Variants in APP observed in about 807,000 individuals in gnomAD.
APP encodes amyloid beta precursor protein, also known as amyloid-beta precursor protein.
A neutral mutation model predicts 101.4 loss-of-function variants in APP; 31 were observed. That is an observed-to-expected ratio of 0.31 (90% CI 0.23 to 0.41). APP has a LOEUF of 0.41. Ranked by LOEUF, APP falls within the 10% of genes least tolerant of loss-of-function variation. The probability of loss-of-function intolerance (pLI) is 1.00; values close to 1 mark genes in which losing one functional copy is unlikely to be tolerated. For missense variants in APP, 839 were observed against 1,003.7 expected, an observed-to-expected ratio of 0.84 and a Z score of 2.22; for synonymous variants, 366 against 364.4, an observed-to-expected ratio of 1.00 and a Z score of -0.05.
intron 13 of APP, among the ~76,000 whole-genome samples, chr21:25,946,653 G>A (rs771087705): frequency 2.6e-5 from 4 of 151,152 alleles, no homozygotes; most frequent in African/African-American, 7.4e-5. Flanking sequence ...GTGACAGAGC[G>A]GGACTCTGTC....
chr21:25,895,897 A>G (rs763823904), intron 16 of APP, among the ~76,000 whole-genome samples: 8 of 152,232 alleles, frequency 5.3e-5, no homozygotes, highest in Non-Finnish European at 1.0e-4. Flanking sequence ...TATTCATTGC[A>G]CTAATTATAA....
At chr21:26,140,326 G>C in intron 1 of APP, 1 of 1,526,030 alleles carries the variant, frequency 6.6e-7, no homozygotes, top group Non-Finnish European at 8.8e-7. Context: ...ATCCTCGGGA[G>C]GGTGAGTCAA....
intron 13 of APP, among the ~76,000 whole-genome samples, chr21:25,943,607 C>T (rs1397410828): frequency 6.6e-6 from 1 of 151,784 alleles, no homozygotes; most frequent in Non-Finnish European, 1.5e-5. Flanking sequence ...TGCCACCATG[C>T]CCGGCTAATT....
chr21:26,166,906 A>AGAGAGAGAGAGAGAG (rs1569055925), intron 1 of APP, among the ~76,000 whole-genome samples: 2 of 38,114 alleles, frequency 5.2e-5, no homozygotes, highest in African/African-American at 1.8e-4. Flanking sequence ...GAGAGAGAGA[A>AGAGAGAGAGAGAGAG]AGAGAGAGAA....
At chr21:26,125,241 T>C (rs561524171) in intron 1 of APP, among the ~76,000 whole-genome samples, 4 of 152,216 alleles carry the variant, frequency 2.6e-5, no homozygotes, top group Admixed American at 2.6e-4. Context: ...ATCCCACCAG[T>C]GTATGAGGAG....
At chr21:25,933,018 A>T (rs1345732822) in intron 13 of APP, among the ~76,000 whole-genome samples, 1 of 152,134 alleles carries the variant, frequency 6.6e-6, no homozygotes, top group Non-Finnish European at 1.5e-5. Flanking sequence ...ATATTTTCAG[A>T]TTATATGAGA....
intron 13 of APP, among the ~76,000 whole-genome samples, chr21:25,913,716 T>C (rs2039196651): frequency 6.6e-6 from 1 of 152,220 alleles, no homozygotes; most frequent in Non-Finnish European, 1.5e-5. Context: ...ATGTCCTTTA[T>C]TTGGAAATGT....
intron 2 of APP, among the ~76,000 whole-genome samples, chr21:26,092,965 A>G (rs2061859083): frequency 6.6e-6 from 1 of 152,234 alleles, no homozygotes; most frequent in Non-Finnish European, 1.5e-5. Context: ...TCTCTAAATC[A>G]GAATCCTGGG....
At chr21:26,016,956 G>A (rs1170549430) in intron 6 of APP, among the ~76,000 whole-genome samples, 1 of 129,570 alleles carries the variant, frequency 7.7e-6, no homozygotes, top group African/African-American at 3.3e-5. Context: ...GGGGGCGGGG[G>A]GTGCCGCCAA....
rs142234670 is a variant in APP at position 25,972,541 on chromosome 21, A to G, written c.1458+2529T>C. 7.9e-5 allele frequency among the ~76,000 whole-genome samples: 12 copies of G among 152,124 alleles called. No homozygotes were observed. In the East Asian group the frequency reaches 2.3e-3, roughly 29 times the overall value. On this transcript the variant is annotated intron_variant, in intron 11 of 17. Transcript: ENST00000346798. Reference sequence around the variant, plus strand: ...TCATCACCAACTTATGTGCACTCAAACTTTTTTTTTTAAAGAGACAGGATG... The same window carrying G: ...TCATCACCAACTTATGTGCACTCAAGCTTTTTTTTTTAAAGAGACAGGATG...
At chr21:25,899,052 T>C (rs1252788676) in intron 15 of APP, among the ~76,000 whole-genome samples, 3 of 152,228 alleles carry the variant, frequency 2.0e-5, no homozygotes, top group East Asian at 1.9e-4. Context: ...CCTCATCCAA[T>C]TGTTCAAAAA....
chr21:26,025,912 G>A, intron 5 of APP, among the ~76,000 whole-genome samples: 1 of 152,146 alleles, frequency 6.6e-6, no homozygotes, highest in South Asian at 2.1e-4. Context: ...GGTTTTGTTT[G>A]AATAATGCTG....
rs541921339 is a variant in APP at position 25,884,753 on chromosome 21, G to A, written c.2212-2982C>T. Among the ~76,000 whole-genome samples the A allele has an allele frequency of 2.1e-4, 32 of 152,248 alleles. No homozygotes were observed. The South Asian group carries it at 6.4e-3, about 31-fold the overall frequency. ...CAAAGCTGCTATGTTTCTGATTGTA[G>A]AAAAAAGCCACAATGCTGCTTGATT... is the stretch of plus-strand genomic sequence containing the variant. On this transcript the variant is annotated intron_variant, in intron 17 of 17. Coordinates refer to ENST00000346798, the MANE Select transcript of APP (RefSeq NM_000484.4).
chr21:25,982,598 G>T, intron 8 of APP, 121 bp from the exon 9 acceptor site: 2 of 932,684 alleles, frequency 2.1e-6, no homozygotes, highest in Non-Finnish European at 3.3e-6. Context: ...TAGTAAAGCA[G>T]CGCATACAAG....
intron 13 of APP, among the ~76,000 whole-genome samples, chr21:25,915,322 T>C (rs1429072735): frequency 6.6e-6 from 1 of 152,214 alleles, no homozygotes; most frequent in Non-Finnish European, 1.5e-5. Context: ...CCCTCTCCTG[T>C]ATGACTCTCC....
At chr21:26,005,652 C>T (rs149267787) in intron 6 of APP, among the ~76,000 whole-genome samples, 42 of 152,204 alleles carry the variant, frequency 2.8e-4, no homozygotes, top group African/African-American at 9.1e-4. Flanking sequence ...TTCAATAAGC[C>T]GCATCTAGTT....
chr21:26,117,982 T>C (rs2062474106), intron 1 of APP, among the ~76,000 whole-genome samples: 1 of 152,214 alleles, frequency 6.6e-6, no homozygotes, highest in Non-Finnish European at 1.5e-5. Context: ...TTACAAGCTA[T>C]CCTCCCTTGA....
intron 5 of APP, among the ~76,000 whole-genome samples, chr21:26,047,430 T>G (rs549584741): frequency 6.6e-6 from 1 of 152,344 alleles, no homozygotes; most frequent in East Asian, 1.9e-4. Context: ...GGCTGGTTCC[T>G]GGAACAAGGA....
At chr21:26,014,830 C>T (rs111367761) in intron 6 of APP, among the ~76,000 whole-genome samples, 9 of 152,286 alleles carry the variant, frequency 5.9e-5, no homozygotes, top group East Asian at 3.9e-4. Context: ...AAGCAATATT[C>T]GGATCAAACC....
Sources: allele counts gnomAD v4.1 joint callset (sites outside exome capture counted in the v4.1 genomes callset), GRCh38; gene constraint gnomAD v4.1.1; transcripts MANE v1.5; gene names NCBI Gene and HGNC (gene_info 2026-07-23, HGNC 2026-07-21).